The following HIBCH variants were observed in gnomAD, a reference collection of about 807,000 sequenced individuals.
HIBCH encodes 3-hydroxyisobutyryl-CoA hydrolase.
HIBCH carries 50 observed loss-of-function variants against 58.2 expected under a neutral mutation model. The observed-to-expected ratio is 0.86, with a 90% CI of 0.68 to 1.09. The LOEUF is 1.09. HIBCH is among the 50% of genes least tolerant of loss of function. The probability of loss-of-function intolerance (pLI) is 0.00; values close to 1 mark genes in which losing one functional copy is unlikely to be tolerated. For missense variants in HIBCH, 450 were observed against 449.7 expected (o/e 1.00, Z -0.01); for synonymous variants, 151 against 146.9 (o/e 1.03, Z -0.20).
chr2:190,281,832 G>A lies in HIBCH; in HGVS notation c.438+5754C>T, dbSNP rs915278963. Among the ~76,000 whole-genome samples, 2 of 152,072 alleles carry A rather than the reference G, an allele frequency of 1.3e-5. No homozygotes were observed. Among genetic ancestry groups the A allele is most frequent in the African/African-American group, 2.4e-5 (1 of 41,372 alleles). ...TCTTCTTCCAGGCATTCTAATTCAT[G>A]GCTCTAAATTCCTGAATTCCATAAA... On this transcript the variant is annotated intron_variant, in intron 6 of 13. Coordinates refer to ENST00000359678, the MANE Select transcript of HIBCH (RefSeq NM_014362.4). This position sits in a 1 kb window ranked among gnomAD's most constrained non-coding sequence, Gnocchi z 5.4.
chr2:190,317,054 T>C (rs1688722574), intron 1 of HIBCH, among the ~76,000 whole-genome samples: 1 of 152,198 alleles, frequency 6.6e-6, no homozygotes, highest in African/African-American at 2.4e-5. Context: ...GCTGGAAGGA[T>C]AGGCGTATGC....
At chr2:190,202,353 A>C (rs563067150), downstream of HIBCH, 2 of 167,076 alleles carry the variant, frequency 1.2e-5, no homozygotes, top group Non-Finnish European at 2.9e-5. Context: ...CCCATGACAT[A>C]TATGAACTAC....
chr2:190,262,176 AAGAAAAG>A (rs1167683343), intron 6 of HIBCH, among the ~76,000 whole-genome samples: 1 of 129,822 alleles, frequency 7.7e-6, no homozygotes, highest in Non-Finnish European at 1.7e-5. Flanking sequence ...AAAAAAAAAA[AAGAAAAG>A]AAAAGAAAAG....
chr2:190,260,294 C>G (rs1559039467), intron 7 of HIBCH: 1 of 151,970 alleles, frequency 6.6e-6, no homozygotes, highest in Non-Finnish European at 1.5e-5. Flanking sequence ...ACTAACAATT[C>G]AAAAATATCA....
chr2:190,219,917 A>C (rs1575700656), intron 11 of HIBCH, among the ~76,000 whole-genome samples: 1 of 152,350 alleles, frequency 6.6e-6, no homozygotes, highest in Middle Eastern at 3.4e-3. Flanking sequence ...AGGAGTAGAA[A>C]TACAGTAGCT....
chr2:190,295,390 T>G (rs1035472808), intron 3 of HIBCH, among the ~76,000 whole-genome samples: 2 of 152,238 alleles, frequency 1.3e-5, no homozygotes, highest in Non-Finnish European at 2.9e-5. Context: ...ATCCACCTTA[T>G]ACACATAGCC....
chr2:190,220,803 T>C (rs116475132), intron 11 of HIBCH, among the ~76,000 whole-genome samples: 220 of 152,142 alleles, frequency 1.4e-3, no homozygotes, highest in African/African-American at 5.0e-3. Flanking sequence ...TCATTGACAA[T>C]GCTAAAAGGT....
intron 2 of HIBCH, among the ~76,000 whole-genome samples, chr2:190,299,422 TTCTC>T (rs1360689666): frequency 8.5e-5 from 13 of 152,168 alleles, no homozygotes; most frequent in Admixed American, 7.2e-4. Flanking sequence ...ATTTCTCAGT[TTCTC>T]TAACGAAAAA....
At chr2:190,270,362 G>A (rs1032155945) in intron 6 of HIBCH, among the ~76,000 whole-genome samples, 3 of 149,566 alleles carry the variant, frequency 2.0e-5, no homozygotes, top group African/African-American at 4.9e-5. Flanking sequence ...ATCCCTCAAC[G>A]CATAAACACA....
chr2:190,287,366 A>G (rs904863350), intron 6 of HIBCH, among the ~76,000 whole-genome samples: 2 of 152,148 alleles, frequency 1.3e-5, no homozygotes, highest in East Asian at 3.8e-4. Flanking sequence ...CCGGCCATAT[A>G]ACATAACTAA....
At chr2:190,245,788 G>A (rs939189971) in intron 10 of HIBCH, among the ~76,000 whole-genome samples, 1 of 152,098 alleles carries the variant, frequency 6.6e-6, no homozygotes. Context: ...TCAGGAGTTG[G>A]AGACCAGCCT....
intron 11 of HIBCH, among the ~76,000 whole-genome samples, chr2:190,221,152 G>A (rs1685708226): frequency 6.6e-6 from 1 of 152,180 alleles, no homozygotes; most frequent in Non-Finnish European, 1.5e-5. Context: ...TGTTGGTTCA[G>A]AGATTTCATA....
chr2:190,239,349 T>C (rs1686382615), intron 11 of HIBCH, among the ~76,000 whole-genome samples: 1 of 152,204 alleles, frequency 6.6e-6, no homozygotes, highest in Non-Finnish European at 1.5e-5. Context: ...CACTATACCA[T>C]GCTGTTTTGG....
At chr2:190,305,026 C>G (rs919003036) in intron 2 of HIBCH, among the ~76,000 whole-genome samples, 1 of 152,070 alleles carries the variant, frequency 6.6e-6, no homozygotes, top group Non-Finnish European at 1.5e-5. Context: ...AAAACAAAGT[C>G]TCTAAAACTT....
At chr2:190,300,547 G>A (rs568863062) in intron 2 of HIBCH, among the ~76,000 whole-genome samples, 1 of 151,556 alleles carries the variant, frequency 6.6e-6, no homozygotes, top group African/African-American at 2.4e-5. Context: ...GTTTCTTATA[G>A]ATGCTGGATA....
In HIBCH at chr2:190,217,356, T is replaced by C. The variant is rs572077292; in HGVS notation, c.892-4281A>G. 1.3e-5 allele frequency among the ~76,000 whole-genome samples: 2 copies of C among 152,268 alleles called. No homozygotes were observed. The highest frequency in any genetic ancestry group is 3.9e-4 in the East Asian group (2 of 5,176). ...AAAATCAGCTGGGTGTGGTGACACATGCCTGTAATCCCAGCTACTTGGGAG... is the reference window on the plus strand; with the variant it reads ...AAAATCAGCTGGGTGTGGTGACACACGCCTGTAATCCCAGCTACTTGGGAG... On this transcript the variant is annotated intron_variant, in intron 11 of 13. Coordinates refer to ENST00000359678, the MANE Select transcript of HIBCH (RefSeq NM_014362.4). This position sits in a 1 kb window ranked among gnomAD's most constrained non-coding sequence, Gnocchi z 4.6.
intron 6 of HIBCH, among the ~76,000 whole-genome samples, chr2:190,275,402 GCATT>G (rs1331913379): frequency 6.6e-6 from 1 of 152,248 alleles, no homozygotes; most frequent in East Asian, 1.9e-4. Context: ...CACGGAATAT[GCATT>G]ATTATGAAAA....
rs1457550793 is a variant in HIBCH, at chr2:190,301,785, T to C, written c.79-4832A>G. Among the ~76,000 whole-genome samples the C allele has an allele frequency of 2.0e-5, 3 of 152,184 alleles. No homozygotes were observed. In the East Asian group the frequency reaches 5.8e-4, roughly 29 times the overall value. ...AGATTCAGTGCCTGGTGAGACCCCA[T>C]TTTGCATGAGTTCTGTGTGTCCACA... On this transcript the variant is annotated intron_variant, in intron 2 of 13. Coordinates refer to ENST00000359678, the MANE Select transcript of HIBCH (RefSeq NM_014362.4).
At chr2:190,268,120 G>A (rs291424) in intron 6 of HIBCH, among the ~76,000 whole-genome samples, 110,078 of 152,026 alleles carry the variant, frequency 0.72, 40,335 homozygotes, top group Non-Finnish European at 0.75. Flanking sequence ...GACTCACAGG[G>A]CATTAAAATT....
Sources: gnomAD v4.1 joint callset for allele counts (sites outside exome capture counted in the v4.1 genomes callset) on GRCh38, gnomAD v4.1.1 for gene constraint, Gnocchi (gnomAD v3.1) non-coding constraint, MANE v1.5 for transcripts, NCBI Gene and HGNC (gene_info 2026-07-23, HGNC 2026-07-21) for gene names.